Variants in DLG2 observed in about 807,000 individuals in gnomAD.
The protein encoded by DLG2 is disks large homolog 2.
In DLG2, 45 loss-of-function variants were observed where a neutral mutation model predicts 132.5. That is an observed-to-expected ratio of 0.34 (90% CI 0.27 to 0.44). DLG2 has a LOEUF of 0.44. Ranked by LOEUF, DLG2 falls within the 20% of genes least tolerant of loss-of-function variation. DLG2 has a pLI of 1.00. For synonymous variants in DLG2, 424 were observed against 419.6 expected, an observed-to-expected ratio of 1.01 and a Z score of -0.13; for missense variants, 1,045 against 1,196.9, an observed-to-expected ratio of 0.87 and a Z score of 1.87.
intron 9 of DLG2, among the ~76,000 whole-genome samples, chr11:84,148,830 C>T (rs2095186960): frequency 6.6e-6 from 1 of 152,136 alleles, no homozygotes; most frequent in African/African-American, 2.4e-5. Flanking sequence ...TTTACATTCC[C>T]ATCCACAATG....
At chr11:84,308,229 A>G (rs2098248218) in intron 7 of DLG2, among the ~76,000 whole-genome samples, 1 of 152,096 alleles carries the variant, frequency 6.6e-6, no homozygotes, top group Non-Finnish European at 1.5e-5. Context: ...CCTGAGCTAG[A>G]CACAAAGGTT....
intron 6 of DLG2, among the ~76,000 whole-genome samples, chr11:84,898,874 GTA>G (rs977910009): frequency 6.6e-6 from 1 of 151,968 alleles, no homozygotes; most frequent in African/African-American, 2.4e-5. Flanking sequence ...AGTAAGCTCT[GTA>G]TATCTCTATT....
chr11:85,147,902 T>G (rs2076968596), intron 5 of DLG2, among the ~76,000 whole-genome samples: 2 of 150,372 alleles, frequency 1.3e-5, no homozygotes, highest in South Asian at 2.1e-4. Context: ...CTCCCTCCCC[T>G]TGCCCCCCAC....
chr11:83,868,772 A>G (rs1202529651), intron 16 of DLG2, among the ~76,000 whole-genome samples: 1 of 152,116 alleles, frequency 6.6e-6, no homozygotes, highest in African/African-American at 2.4e-5. Flanking sequence ...ATAATTCAGT[A>G]TATTTATCAG....
rs146137961 is a variant in DLG2, at chr11:83,823,438, A to G, written c.1722+10176T>C. Among the ~76,000 whole-genome samples the G allele has an allele frequency of 1.2e-3, 177 of 152,224 alleles. 3 individuals carry two copies. The East Asian group carries it at 0.028, about 24-fold the overall frequency. On this transcript the variant is annotated intron_variant, in intron 17 of 27. Transcript: ENST00000376104. ...ATATGTAATAGAATAGTTAATTAAC[A>G]TTTTTCTGATCTATAGGAATTCCTC...
chr11:83,963,645 C>T (rs1278906818), intron 13 of DLG2, among the ~76,000 whole-genome samples: 1 of 151,942 alleles, frequency 6.6e-6, no homozygotes, highest in African/African-American at 2.4e-5. Flanking sequence ...CCACACTATT[C>T]TCTTACTTAA....
chr11:85,433,915 G>A (rs2091332648), intron 3 of DLG2, among the ~76,000 whole-genome samples: 1 of 152,154 alleles, frequency 6.6e-6, no homozygotes, highest in African/African-American at 2.4e-5. Context: ...CACATAATTA[G>A]AGATAAAACA....
At chr11:84,695,945 A>C (rs2058569296) in intron 6 of DLG2, among the ~76,000 whole-genome samples, 1 of 151,524 alleles carries the variant, frequency 6.6e-6, no homozygotes, top group African/African-American at 2.4e-5. Flanking sequence ...AATACTGCTA[A>C]AAATGGAAAA....
rs1229680462 is a variant in DLG2 at position 84,600,177 on chromosome 11, A to AAAGG, written c.358-65447_358-65446insCCTT. Reference sequence around the variant, plus strand: ...GAAAGAAGGAAAGAAAGAAAGAAAGAAAGAAAGAAAGAAAGAAAGAAAGAA... The same window carrying AAAGG: ...GAAAGAAGGAAAGAAAGAAAGAAAGAAAGGAAGAAAGAAAGAAAGAAAGAAAGAA... On this transcript the variant is annotated intron_variant, in intron 6 of 27. Coordinates refer to ENST00000376104, the MANE Select transcript of DLG2 (RefSeq NM_001142699.3). Among the ~76,000 whole-genome samples, 6 of 132,306 alleles carry AAAGG rather than the reference A, an allele frequency of 4.5e-5. No homozygotes were observed. In the East Asian group the frequency reaches 1.0e-3, roughly 23 times the overall value. The allele number at this position is 132,306 out of a possible 152,430, so 86.8% of individuals were successfully genotyped here.
At chr11:85,347,277 C>G (rs1481994718) in intron 3 of DLG2, among the ~76,000 whole-genome samples, 1 of 152,004 alleles carries the variant, frequency 6.6e-6, no homozygotes, top group Non-Finnish European at 1.5e-5. Flanking sequence ...CCCTGAAGCA[C>G]AGGGAGGGGC....
At chr11:83,733,059 T>C (rs528030426) in intron 18 of DLG2, among the ~76,000 whole-genome samples, 2 of 151,872 alleles carry the variant, frequency 1.3e-5, no homozygotes, top group Non-Finnish European at 2.9e-5. Flanking sequence ...CTGGCCAACA[T>C]GGTGAAACCC....
intron 10 of DLG2, among the ~76,000 whole-genome samples, chr11:84,087,956 G>A (rs985525052): frequency 1.3e-5 from 2 of 152,188 alleles, no homozygotes; most frequent in African/African-American, 4.8e-5. Context: ...AATACGAAAT[G>A]ATTGATCATT....
At chr11:84,185,781 A>AG in intron 8 of DLG2, among the ~76,000 whole-genome samples, 1 of 152,262 alleles carries the variant, frequency 6.6e-6, no homozygotes, top group Middle Eastern at 3.4e-3. Context: ...TTTAGCATGA[A>AG]GGGTTGTTGA....
chr11:84,624,857 C>CTTT lies in DLG2; in HGVS notation c.358-90129_358-90127dup, dbSNP rs776520040. Among the ~76,000 whole-genome samples the CTTT allele has an allele frequency of 4.6e-4, 35 of 76,174 alleles. 8 individuals are homozygous for CTTT. Among genetic ancestry groups the CTTT allele is most frequent in the African/African-American group, 2.0e-3 (17 of 8,544 alleles). 50.0% of individuals were successfully genotyped at this position (76,174 alleles called of 152,430 possible). A position where few individuals can be genotyped will look rare whatever the true frequency, so the allele number is the denominator to read the frequency against. The stretch of plus-strand genomic sequence containing the variant: ...AGTTACCTCTCAGAAGAGAGTCAAC[C>CTTT]TTTTTTTTTTTTTTTTTTGAGACGG... On this transcript the variant is annotated intron_variant, in intron 6 of 27. Coordinates refer to ENST00000376104, the MANE Select transcript of DLG2 (RefSeq NM_001142699.3).
chr11:84,126,512 A>C (rs2094180014), intron 9 of DLG2, among the ~76,000 whole-genome samples: 1 of 152,184 alleles, frequency 6.6e-6, no homozygotes, highest in South Asian at 2.1e-4. Flanking sequence ...ATAAAAGACA[A>C]AATATTGATG....
chr11:84,841,073 C>T (rs2080606504), intron 6 of DLG2, among the ~76,000 whole-genome samples: 1 of 150,450 alleles, frequency 6.6e-6, no homozygotes, highest in African/African-American at 2.4e-5. Context: ...CACTATGCAG[C>T]AATAAAAAGA....
chr11:83,906,302 CACACACACACACACACA>C (rs1264412947), intron 15 of DLG2, among the ~76,000 whole-genome samples: 19 of 139,488 alleles, frequency 1.4e-4, no homozygotes, highest in African/African-American at 2.3e-4. Flanking sequence ...CACACACACA[CACACACACACACACACA>C]CCTCGGCCTC....
rs150721784 is a variant in DLG2, at chr11:84,715,211, A to G, written c.358-180480T>C. On this transcript the variant is annotated intron_variant, in intron 6 of 27. Coordinates refer to ENST00000376104, the MANE Select transcript of DLG2 (RefSeq NM_001142699.3). ...TTCAGTTGAGCTGTTATATTAACAA[A>G]TTGCTATTATGAGAAAGAAAGAGGT... 1.8e-3 allele frequency among the ~76,000 whole-genome samples: 270 copies of G among 152,312 alleles called. 1 individual carries two copies. Among genetic ancestry groups the G allele is most frequent in the African/African-American group, 6.0e-3 (250 of 41,576 alleles).
chr11:85,497,123 A>C (rs2093685048), intron 3 of DLG2, among the ~76,000 whole-genome samples: 1 of 152,014 alleles, frequency 6.6e-6, no homozygotes, highest in South Asian at 2.1e-4. Flanking sequence ...ACTAATAACA[A>C]ACTTCTCTGA....
Sources: gnomAD v4.1 joint callset for allele counts (sites outside exome capture counted in the v4.1 genomes callset) on GRCh38, gnomAD v4.1.1 for gene constraint, MANE v1.5 for transcripts, NCBI Gene and HGNC (gene_info 2026-07-23, HGNC 2026-07-21) for gene names.